Variants in ADARB2 observed in about 807,000 individuals in gnomAD.
ADARB2 encodes inactive double-stranded RNA-specific editase B2.
A neutral mutation model predicts 62.2 loss-of-function variants in ADARB2; 25 were observed. That is an observed-to-expected ratio of 0.40 (90% confidence interval 0.29 to 0.56). The LOEUF (loss-of-function observed/expected upper bound fraction) is 0.56, where lower values mean the gene tolerates loss of function less well. ADARB2 is among the 20% of genes least tolerant of loss of function. The pLI, the probability that ADARB2 is intolerant of heterozygous loss-of-function variation, is 0.43. For missense variants in ADARB2, 1,071 were observed against 1,077.4 expected (o/e 0.99, Z 0.08); for synonymous variants, 572 against 500.8 (o/e 1.14, Z -1.90).
At chr10:1,611,218 G>A (rs547604787) in intron 1 of ADARB2, among the ~76,000 whole-genome samples, 8 of 152,222 alleles carry the variant, frequency 5.3e-5, no homozygotes, top group South Asian at 2.1e-4. Flanking sequence ...TTTTGGAGGC[G>A]CGGAGTGAAT....
At chr10:1,294,968 C>G (rs995577936) in intron 3 of ADARB2, among the ~76,000 whole-genome samples, 5 of 152,230 alleles carry the variant, frequency 3.3e-5, no homozygotes, top group Admixed American at 1.3e-4. Flanking sequence ...AAGCAGATTT[C>G]TGTGTGCAGC....
chr10:1,444,521 T>C (rs1830943853), intron 1 of ADARB2, among the ~76,000 whole-genome samples: 1 of 144,452 alleles, frequency 6.9e-6, no homozygotes, highest in Admixed American at 6.8e-5. Context: ...CACCCACTCA[T>C]CCATCCACTC....
chr10:1,210,141 T>C (rs1168524582), intron 7 of ADARB2, among the ~76,000 whole-genome samples: 1 of 152,232 alleles, frequency 6.6e-6, no homozygotes, highest in Admixed American at 6.5e-5. Flanking sequence ...GTGTTGTTTG[T>C]TTGGATCTTT....
Position 1,650,155 on chromosome 10 carries a change from T to C in ADARB2, c.100+86896A>G, listed in dbSNP as rs76881577. ...CTGCAAGACTGGCTACGTTCATGAC[T>C]GCTCTCACATGCTTTTCTGAAGCAT... On this transcript the variant is annotated intron_variant, in intron 1 of 9. Coordinates refer to ENST00000381312, the MANE Select transcript of ADARB2 (RefSeq NM_018702.4). Among the ~76,000 whole-genome samples, 32 of 152,384 alleles carry C rather than the reference T, an allele frequency of 2.1e-4. 1 individual carries two copies. In the East Asian group the frequency reaches 6.2e-3, roughly 29 times the overall value.
chr10:1,403,082 G>A (rs1404288867), intron 1 of ADARB2, among the ~76,000 whole-genome samples: 5 of 152,206 alleles, frequency 3.3e-5, no homozygotes, highest in African/African-American at 1.2e-4. Flanking sequence ...ACCGTGTGCG[G>A]CTCTCGTGGA....
chr10:1,268,361 CTTCTG>C lies in ADARB2; in HGVS notation c.1192+2589_1192+2593del, dbSNP rs902718127. 1.3e-3 allele frequency among the ~76,000 whole-genome samples: 198 copies of C among 152,182 alleles called. 2 individuals carry two copies. Among genetic ancestry groups the C allele is most frequent in the African/African-American group, 4.6e-3 (189 of 41,522 alleles). On this transcript the variant is annotated intron_variant, in intron 4 of 9. Transcript: ENST00000381312. ...TGCATTAATTTGATAAAAATAAAAA[CTTCTG>C]TTCATAAGTATATATTTCTGTGATT...
chr10:1,730,006 T>G (rs1256198731), intron 1 of ADARB2, among the ~76,000 whole-genome samples: 1 of 152,186 alleles, frequency 6.6e-6, no homozygotes, highest in Non-Finnish European at 1.5e-5. Flanking sequence ...ACATCCTGGT[T>G]AAGGGGTTTA....
chr10:1,600,382 C>T (rs1055560758), intron 1 of ADARB2, among the ~76,000 whole-genome samples: 3 of 152,136 alleles, frequency 2.0e-5, no homozygotes, highest in African/African-American at 2.4e-5. Context: ...AGCAGGAGGC[C>T]GGGCACAGTG....
At chr10:1,462,305 C>T (rs2813420) in intron 1 of ADARB2, among the ~76,000 whole-genome samples, 151,623 of 152,346 alleles carry the variant, frequency 1, 75,455 homozygotes, top group Middle Eastern at 1. Flanking sequence ...CCAGCAAGCC[C>T]TTTAGTGAAA....
Position 1,242,148 on chromosome 10 carries a change from C to T in ADARB2, c.1344G>A (p.Gln448=). ...CCGCTCACCTCAGGTGCAGCTCCAG[C>T]TGCGTGTAGAGGAAGTGCAGGAACG... ...RRAFLHFLYT[Q]LELHLSKRRE... is the part of the protein sequence containing the mutation. The change falls in exon 5 of 10, where the codon CAG becomes CAA. Residue 448 remains glutamine, a synonymous_variant. Transcript: ENST00000381312. 6.2e-7 allele frequency: 1 copy of T among 1,608,426 alleles called. No individual in the cohort carries two copies. The highest frequency in any genetic ancestry group is 1.7e-5 in the Admixed American group (1 of 59,892).
chr10:1,676,383 T>C lies in ADARB2; in HGVS notation c.100+60668A>G, dbSNP rs537009045. Among the ~76,000 whole-genome samples the C allele has an allele frequency of 1.1e-4, 17 of 152,308 alleles. No homozygotes were observed. In the East Asian group the frequency reaches 3.3e-3, roughly 29 times the overall value. On this transcript the variant is annotated intron_variant, in intron 1 of 9. Coordinates refer to ENST00000381312, the MANE Select transcript of ADARB2 (RefSeq NM_018702.4). Reference sequence around the variant, plus strand: ...TGTGAACCATTGACTTGTATAGACTTAGATATTTTATACATTATTTAAAGT... The same window carrying C: ...TGTGAACCATTGACTTGTATAGACTCAGATATTTTATACATTATTTAAAGT...
At chr10:1,447,673 G>A (rs1830988741) in intron 1 of ADARB2, among the ~76,000 whole-genome samples, 2 of 152,084 alleles carry the variant, frequency 1.3e-5, no homozygotes, top group African/African-American at 2.4e-5. Flanking sequence ...GATTGTAATG[G>A]CACCAGGTAA....
intron 1 of ADARB2, among the ~76,000 whole-genome samples, chr10:1,389,203 G>C (rs758142610): frequency 4.6e-5 from 7 of 152,160 alleles, no homozygotes; most frequent in African/African-American, 1.7e-4. Context: ...GAAAATTGAG[G>C]AGATTACTTT....
At chr10:1,731,486 TC>T (rs34373609) in intron 1 of ADARB2, among the ~76,000 whole-genome samples, 1 of 152,208 alleles carries the variant, frequency 6.6e-6, no homozygotes, top group African/African-American at 2.4e-5. Flanking sequence ...ACGTTAGCTG[TC>T]CCTGTGAACC....
chr10:1,580,166 G>A (rs2131999778), intron 1 of ADARB2, among the ~76,000 whole-genome samples: 1 of 152,266 alleles, frequency 6.6e-6, no homozygotes, highest in Admixed American at 6.5e-5. Flanking sequence ...TGTTGCACAG[G>A]TAAATCGCGT....
intron 3 of ADARB2, among the ~76,000 whole-genome samples, chr10:1,311,124 A>G (rs55651245): frequency 0.073 from 11,175 of 152,240 alleles, 539 homozygotes; most frequent in South Asian, 0.23. Context: ...AGACCTGACT[A>G]TAGATCCAAG....
intron 3 of ADARB2, among the ~76,000 whole-genome samples, chr10:1,321,716 A>T (rs911584884): frequency 1.3e-5 from 2 of 152,184 alleles, no homozygotes; most frequent in Admixed American, 1.3e-4. Context: ...CTTCTCTTAA[A>T]CAAATCATCA....
At chr10:1,734,141 C>T (rs1279803083) in intron 1 of ADARB2, among the ~76,000 whole-genome samples, 1 of 151,536 alleles carries the variant, frequency 6.6e-6, no homozygotes, top group Admixed American at 6.6e-5. Flanking sequence ...ACACAGAAAA[C>T]ACAAAATTGT....
At chr10:1,575,950 T>A (rs980432647) in intron 1 of ADARB2, among the ~76,000 whole-genome samples, 1 of 30,416 alleles carries the variant, frequency 3.3e-5, no homozygotes, top group Non-Finnish European at 7.6e-5. Context: ...ACAAAGCGCA[T>A]GGGAGGGGTA....
Sources: gnomAD v4.1 joint callset for allele counts (sites outside exome capture counted in the v4.1 genomes callset) on GRCh38, gnomAD v4.1.1 for gene constraint, MANE v1.5 for transcripts, NCBI Gene and HGNC (gene_info 2026-07-23, HGNC 2026-07-21) for gene names.